Variants in PHF21A observed in about 807,000 individuals in gnomAD.
The protein encoded by PHF21A is BHC80a.
In PHF21A, 11 loss-of-function variants were observed where a neutral mutation model predicts 82.5. That is an observed-to-expected ratio of 0.13 (90% CI 0.08 to 0.22). The LOEUF is 0.22. Ranked by LOEUF, PHF21A falls within the 10% of genes least tolerant of loss-of-function variation. The pLI is 1.00. For missense variants in PHF21A, 579 were observed against 837.8 expected (o/e 0.69, Z 3.81); for synonymous variants, 297 against 302.8 (o/e 0.98, Z 0.20).
At chr11:45,986,812 T>G (rs1247007135) in intron 6 of PHF21A, among the ~76,000 whole-genome samples, 4 of 152,232 alleles carry the variant, frequency 2.6e-5, no homozygotes, top group Non-Finnish European at 5.9e-5. Context: ...ATGTGACTTT[T>G]ATTTCCAATG....
At chr11:45,935,577 G>T in intron 18 of PHF21A, 59 bp downstream of exon 18, 1 of 884,532 alleles carries the variant, frequency 1.1e-6, no homozygotes, top group Non-Finnish European at 1.9e-6. Flanking sequence ...TACGTATATT[G>T]GAAAGGCCTA....
At chr11:46,022,606 C>G (rs1490963435) in intron 6 of PHF21A, among the ~76,000 whole-genome samples, 1 of 152,188 alleles carries the variant, frequency 6.6e-6, no homozygotes, top group Non-Finnish European at 1.5e-5. Context: ...GGACTACAGG[C>G]ACATGCCACC....
At chr11:45,969,677 G>A (rs936957680) in intron 9 of PHF21A, 138 bp downstream of exon 9, 4 of 625,268 alleles carry the variant, frequency 6.4e-6, no homozygotes, top group African/African-American at 5.5e-5. Flanking sequence ...TCATAGTACA[G>A]AAATCAACAG....
chr11:46,038,270 G>A (rs963949944), intron 6 of PHF21A, among the ~76,000 whole-genome samples: 1 of 151,912 alleles, frequency 6.6e-6, no homozygotes, highest in African/African-American at 2.4e-5. Flanking sequence ...GAGATTATAA[G>A]GCATGTGCCA....
rs143124954 is a variant in PHF21A, at chr11:45,941,797, G to A, written c.1453-3485C>T. 2.8e-4 allele frequency among the ~76,000 whole-genome samples: 43 copies of A among 152,268 alleles called. 1 individual carries two copies. The highest frequency in any genetic ancestry group is 4.9e-4 in the Non-Finnish European group (33 of 68,024). On this transcript the variant is annotated intron_variant, in intron 15 of 18. Transcript: ENST00000676320. ...CCCATGATGCTTTGCTAGGCGCTGA[G>A]GACGTATGTTTTTAGGAAGCACTCT... is the stretch of plus-strand genomic sequence containing the variant.
chr11:46,040,547 C>G (rs187461223), intron 6 of PHF21A, among the ~76,000 whole-genome samples: 102 of 152,148 alleles, frequency 6.7e-4, no homozygotes, highest in African/African-American at 2.5e-3. Context: ...GACTGGATTA[C>G]TCATTACTGC....
chr11:46,013,963 C>T (rs900624451), intron 6 of PHF21A, among the ~76,000 whole-genome samples: 11 of 152,096 alleles, frequency 7.2e-5, no homozygotes, highest in East Asian at 1.9e-4. Flanking sequence ...TTTATAATAC[C>T]GTATACTTAG....
Position 45,948,911 on chromosome 11 carries a change from T to C in PHF21A, c.1263A>G (p.Thr421=), listed in dbSNP as rs1321255946. 6.2e-7 allele frequency: 1 copy of C among 1,614,130 alleles called. No homozygotes were observed. The highest frequency in any genetic ancestry group is 1.7e-5 in the Admixed American group (1 of 60,028). The change falls in exon 14 of 19, where the codon ACA becomes ACG. Residue 421 remains threonine, a synonymous_variant. Transcript: ENST00000676320. ...KKSAVTYLNS[T]MHPGTRKRGR... is the part of the protein sequence containing the mutation. ...CTCTCTTCCGGGTCCCAGGGTGCAT[T>C]GTGCTGTTTAGGTATGTCACTGCAC...
chr11:45,990,732 AC>A (rs1188688028), intron 6 of PHF21A, among the ~76,000 whole-genome samples: 2 of 150,564 alleles, frequency 1.3e-5, no homozygotes, highest in Non-Finnish European at 3.0e-5. Flanking sequence ...TTTAAAGAAG[AC>A]TTTATTTTTA....
At chr11:45,976,060 G>A (rs183296617) in intron 7 of PHF21A, among the ~76,000 whole-genome samples, 2 of 152,196 alleles carry the variant, frequency 1.3e-5, no homozygotes, top group Admixed American at 1.3e-4. Flanking sequence ...AGAAGCTCTG[G>A]CATGCTTTGG....
intron 7 of PHF21A, among the ~76,000 whole-genome samples, chr11:45,972,333 C>T (rs1591440263): frequency 1.3e-5 from 2 of 152,184 alleles, no homozygotes; most frequent in African/African-American, 2.4e-5. Flanking sequence ...ATTATATGGC[C>T]TAAACATCTA....
chr11:45,933,863 A>G lies in PHF21A; in HGVS notation c.*105T>C. On this transcript the variant is annotated 3_prime_UTR_variant, in exon 19 of 19. Transcript: ENST00000676320. ...CTCTCTCTCTGGAACCAAAGAACCA[A>G]AAGAATTCTGCACTTTCCAGAAATC... The G allele has an allele frequency of 2.5e-6, 3 of 1,193,222 alleles. No individual in the cohort carries two copies. The highest frequency in any genetic ancestry group is 3.4e-6 in the Non-Finnish European group (3 of 869,610). The allele number at this position is 1,193,222 out of a possible 1,614,324, so 73.9% of individuals were successfully genotyped here.
At chr11:46,088,379 C>A (rs1266769837) in intron 3 of PHF21A, among the ~76,000 whole-genome samples, 1 of 151,676 alleles carries the variant, frequency 6.6e-6, no homozygotes, top group Admixed American at 6.6e-5. Context: ...TCAAACCATT[C>A]TGATATCTAA....
At chr11:46,112,909 ATT>A (rs780389428) in intron 1 of PHF21A, among the ~76,000 whole-genome samples, 2 of 152,098 alleles carry the variant, frequency 1.3e-5, no homozygotes, top group African/African-American at 2.4e-5. Context: ...TCAATATATT[ATT>A]TTGTGTGTAA....
At chr11:45,935,224 G>T in intron 18 of PHF21A, 2 of 1,294,590 alleles carry the variant, frequency 1.5e-6, no homozygotes, top group Non-Finnish European at 1.0e-6. Flanking sequence ...GGGCCGTACG[G>T]ATGGGCCCAC....
At chr11:46,115,392 A>G (rs906300368) in intron 1 of PHF21A, among the ~76,000 whole-genome samples, 1 of 152,246 alleles carries the variant, frequency 6.6e-6, no homozygotes, top group African/African-American at 2.4e-5. Context: ...TAACACACAT[A>G]TAAGAATTAT....
intron 18 of PHF21A, chr11:45,935,423 C>T: frequency 1.4e-6 from 1 of 700,584 alleles, no homozygotes; most frequent in Non-Finnish European, 2.4e-6. Flanking sequence ...GAGGATGTTA[C>T]AGAGCTTGGG....
intron 10 of PHF21A, among the ~76,000 whole-genome samples, chr11:45,956,972 T>A (rs926357643): frequency 2.0e-5 from 3 of 152,306 alleles, no homozygotes; most frequent in African/African-American, 7.2e-5. Flanking sequence ...ATGTTTATAA[T>A]GAATGGCTAT....
At chr11:45,974,516 T>TA (rs2093932614) in intron 7 of PHF21A, among the ~76,000 whole-genome samples, 1 of 152,022 alleles carries the variant, frequency 6.6e-6, no homozygotes, top group African/African-American at 2.4e-5. Context: ...TGCAGTGGCG[T>TA]AATCACAGCT....
Sources: allele counts gnomAD v4.1 joint callset (sites outside exome capture counted in the v4.1 genomes callset), GRCh38; gene constraint gnomAD v4.1.1; transcripts MANE v1.5; gene names NCBI Gene and HGNC (gene_info 2026-07-23, HGNC 2026-07-21).